The following DMD variants were observed in gnomAD, a reference collection of about 807,000 sequenced individuals.
The protein encoded by DMD is mutant dystrophin.
In DMD, 63 loss-of-function variants were observed where a neutral mutation model predicts 330.1. The ratio of observed to expected loss-of-function variants is 0.19; its 90% confidence interval spans 0.16 to 0.24. DMD has a LOEUF of 0.24. Ranked by LOEUF, DMD falls within the 10% of genes least tolerant of loss-of-function variation. DMD has a pLI of 1.00. For missense variants in DMD, 3,344 were observed against 2,684.1 expected (o/e 1.25, Z -5.43); for synonymous variants, 1,223 against 959.8 (o/e 1.27, Z -5.07).
At chrX:32,906,448 T>G (rs2086734733) in intron 2 of DMD, among the ~76,000 whole-genome samples, 1 of 111,927 alleles carries the variant, frequency 8.9e-6, no homozygotes, top group African/African-American at 3.3e-5. Flanking sequence ...CAGGTATTTC[T>G]TTACAGCAAT....
At chrX:31,262,648 G>A (rs376077715) in intron 62 of DMD, among the ~76,000 whole-genome samples, 3 of 112,524 alleles carry the variant, frequency 2.7e-5, no homozygotes, top group African/African-American at 6.4e-5. Context: ...ACTATAACAA[G>A]GGCTTATCAG....
Position 32,595,846 on chromosome X carries a change from C to A in DMD, c.1513G>T (p.Val505Phe). Reference protein sequence around the residue: ...VLQEDLEQEQVRVNSLTHMVV... With the variant: ...VLQEDLEQEQFRVNSLTHMVV... The stretch of plus-strand genomic sequence containing the variant: ...ATGTGAGTGAGAGAATTGACCCTGA[C>A]TTGTTCTTGTTCTAGATCTTCTTGA... Residue 505 changes from valine to phenylalanine, a missense_variant, in exon 13 of 79, where the codon GTC (valine) becomes TTC (phenylalanine). Val to Phe is a conservative substitution (Grantham distance 50). Coordinates refer to ENST00000357033, the MANE Select transcript of DMD (RefSeq NM_004006.3). 1 of 1,199,368 alleles carries A rather than the reference C, an allele frequency of 8.3e-7. No homozygotes were observed. The highest frequency in any genetic ancestry group is 1.1e-6 in the Non-Finnish European group (1 of 884,442).
intron 67 of DMD, among the ~76,000 whole-genome samples, chrX:31,199,768 C>G (rs1442330585): frequency 8.9e-6 from 1 of 112,121 alleles, no homozygotes; most frequent in Non-Finnish European, 1.9e-5. Flanking sequence ...GCAAGGAATG[C>G]ACTTGTAGGA....
chrX:31,894,866 C>T, intron 47 of DMD, among the ~76,000 whole-genome samples: 1 of 111,083 alleles, frequency 9.0e-6, no homozygotes, highest in Middle Eastern at 4.2e-3. Context: ...ACTCAGAGTT[C>T]CAGATTGCAA....
intron 1 of DMD, among the ~76,000 whole-genome samples, chrX:33,131,480 T>C (rs1424102924): frequency 9.0e-6 from 1 of 111,682 alleles, no homozygotes; most frequent in Non-Finnish European, 1.9e-5. Flanking sequence ...CCCAGAGACC[T>C]ACATTCATTA....
At chrX:31,496,486 T>C (rs776152053) in intron 57 of DMD, among the ~76,000 whole-genome samples, 6 of 112,319 alleles carry the variant, frequency 5.3e-5, no homozygotes, top group Non-Finnish European at 9.4e-5. Flanking sequence ...GTTGATGTCT[T>C]GATGAGTACG....
intron 2 of DMD, among the ~76,000 whole-genome samples, chrX:32,879,261 C>T (rs957935924): frequency 5.4e-5 from 6 of 111,280 alleles, no homozygotes; most frequent in South Asian, 3.8e-4. Context: ...CCAGTGACTG[C>T]GGCAGACTGT....
chrX:32,817,922 T>A (rs1021127942), intron 5 of DMD, among the ~76,000 whole-genome samples: 2 of 112,324 alleles, frequency 1.8e-5, no homozygotes, highest in East Asian at 5.6e-4. Flanking sequence ...TCTTTGCATG[T>A]ATCTGTCACA....
At chrX:32,064,421 G>C (rs1234322177) in intron 44 of DMD, among the ~76,000 whole-genome samples, 1 of 110,779 alleles carries the variant, frequency 9.0e-6, no homozygotes, top group Non-Finnish European at 1.9e-5. Context: ...GGGCTTTCTA[G>C]GTGATAAAAG....
intron 2 of DMD, among the ~76,000 whole-genome samples, chrX:32,969,565 G>C (rs1366780777): frequency 1.1e-5 from 1 of 93,837 alleles, no homozygotes; most frequent in Non-Finnish European, 2.0e-5. Flanking sequence ...GAAATGTTCT[G>C]TGCTTTTTGG....
At chrX:32,064,706 T>C (rs2096249163) in intron 44 of DMD, among the ~76,000 whole-genome samples, 1 of 111,072 alleles carries the variant, frequency 9.0e-6, no homozygotes, top group Non-Finnish European at 1.9e-5. Flanking sequence ...TGTGGGTATA[T>C]GGTGAGCTAA....
At chrX:31,945,961 G>C (rs1425988916) in intron 45 of DMD, among the ~76,000 whole-genome samples, 1 of 111,826 alleles carries the variant, frequency 8.9e-6, no homozygotes, top group East Asian at 2.8e-4. Flanking sequence ...AATTTGTTGA[G>C]AGTCCTGGGA....
intron 2 of DMD, among the ~76,000 whole-genome samples, chrX:32,981,108 G>A (rs1403949752): frequency 1.8e-5 from 2 of 111,649 alleles, no homozygotes; most frequent in African/African-American, 3.3e-5. Context: ...TTACCCTAGC[G>A]TAGTTCTCTC....
chrX:32,195,585 C>T (rs2096995862), intron 44 of DMD, among the ~76,000 whole-genome samples: 1 of 112,299 alleles, frequency 8.9e-6, no homozygotes, highest in African/African-American at 3.2e-5. Context: ...CATGCTTAGT[C>T]ATATTCATAT....
At chrX:31,661,673 A>G (rs2081131285) in intron 53 of DMD, among the ~76,000 whole-genome samples, 1 of 111,802 alleles carries the variant, frequency 8.9e-6, no homozygotes, top group African/African-American at 3.3e-5. Flanking sequence ...AATTTAAAAT[A>G]CTGTGAGCAC....
chrX:31,308,472 T>C (rs943188400), intron 62 of DMD, among the ~76,000 whole-genome samples: 1 of 111,987 alleles, frequency 8.9e-6, no homozygotes, highest in African/African-American at 3.2e-5. Flanking sequence ...AAAAAATCGC[T>C]TCCAAATGTA....
intron 57 of DMD, among the ~76,000 whole-genome samples, chrX:31,484,926 A>G (rs1380020824): frequency 1.8e-5 from 2 of 112,379 alleles, no homozygotes; most frequent in Admixed American, 9.4e-5. Flanking sequence ...CTTTTATATT[A>G]TGAATGTTTC....
At chrX:31,506,269 A>C (rs2070935472) in intron 56 of DMD, among the ~76,000 whole-genome samples, 1 of 111,785 alleles carries the variant, frequency 8.9e-6, no homozygotes, top group South Asian at 3.8e-4. Flanking sequence ...AAGAACTATA[A>C]AGAAGAAAAA....
At chrX:31,754,566 T>C (rs1198969275) in intron 51 of DMD, among the ~76,000 whole-genome samples, 1 of 110,901 alleles carries the variant, frequency 9.0e-6, no homozygotes, top group Non-Finnish European at 1.9e-5. Flanking sequence ...CTTCACATAG[T>C]ATCAACAAAA....
Sources: gnomAD v4.1 joint callset for allele counts (sites outside exome capture counted in the v4.1 genomes callset) on GRCh38, gnomAD v4.1.1 for gene constraint, MANE v1.5 for transcripts, NCBI Gene and HGNC (gene_info 2026-07-23, HGNC 2026-07-21) for gene names.